The following PCDH11X variants were observed in gnomAD, a reference collection of about 807,000 sequenced individuals.
The protein encoded by PCDH11X is protocadherin 11 X-linked, also known as protocadherin-11 X-linked.
PCDH11X carries 18 observed loss-of-function variants against 53.3 expected under a neutral mutation model. The observed-to-expected ratio is 0.34, with a 90% CI of 0.23 to 0.50. The LOEUF is 0.50. Ranked by LOEUF, PCDH11X falls within the 20% of genes least tolerant of loss-of-function variation. The pLI, the probability that PCDH11X is intolerant of heterozygous loss-of-function variation, is 0.98. For missense variants in PCDH11X, 570 were observed against 1,032.4 expected (o/e 0.55, Z 6.14); for synonymous variants, 279 against 393.3 (o/e 0.71, Z 3.44).
At chrX:91,927,258 A>G (rs781711948) in intron 6 of PCDH11X, among the ~76,000 whole-genome samples, 1 of 109,806 alleles carries the variant, frequency 9.1e-6, no homozygotes, top group Admixed American at 9.9e-5. Context: ...TATGATCGCA[A>G]GTTTTCATCA....
intron 8 of PCDH11X, among the ~76,000 whole-genome samples, chrX:92,369,283 G>A (rs755699662): frequency 5.7e-4 from 62 of 109,732 alleles, no homozygotes; most frequent in African/African-American, 2.0e-3. Flanking sequence ...AATTTGCCCA[G>A]TCCACACCTC....
chrX:92,147,997 CTTT>C (rs2065325713), intron 6 of PCDH11X, among the ~76,000 whole-genome samples: 1 of 78,084 alleles, frequency 1.3e-5, no homozygotes, highest in African/African-American at 6.4e-5. Context: ...TTCTTTCTTT[CTTT>C]CTTTCTTTTT....
At chrX:92,580,539 G>A (rs1393640619) in intron 10 of PCDH11X, among the ~76,000 whole-genome samples, 3 of 110,082 alleles carry the variant, frequency 2.7e-5, no homozygotes, top group African/African-American at 6.7e-5. Flanking sequence ...GCCACTGTGC[G>A]GTGCTGTGGA....
chrX:92,211,742 C>T (rs935505173), intron 7 of PCDH11X, among the ~76,000 whole-genome samples: 1 of 111,724 alleles, frequency 9.0e-6, no homozygotes, highest in Non-Finnish European at 1.9e-5. Flanking sequence ...ATAATTCTTT[C>T]ATATTCCAAA....
Position 91,966,116 on chromosome X carries a change from T to TG in PCDH11X, c.3033+86843_3033+86844insG, listed in dbSNP as rs1301472960. On this transcript the variant is annotated intron_variant, in intron 6 of 10. Coordinates refer to ENST00000682573, the MANE Select transcript of PCDH11X (RefSeq NM_032968.5). ...GAATGAGGGATCTGGCATCTCATTATCTGGATGCCCTGATCTGGTGAGTTT... is the reference window on the plus strand; with the variant it reads ...GAATGAGGGATCTGGCATCTCATTATGCTGGATGCCCTGATCTGGTGAGTTT... 3.6e-5 allele frequency among the ~76,000 whole-genome samples: 4 copies of TG among 110,324 alleles called. No homozygotes were observed. In the East Asian group the frequency reaches 1.1e-3, roughly 31 times the overall value.
chrX:92,296,082 C>CAA (rs35158475), intron 8 of PCDH11X, among the ~76,000 whole-genome samples: 2,240 of 93,329 alleles, frequency 0.024, 56 homozygotes, highest in East Asian at 0.12. Flanking sequence ...AACTCTGTCT[C>CAA]AAAAAAAAAA....
intron 6 of PCDH11X, among the ~76,000 whole-genome samples, chrX:91,955,977 C>T (rs1468257975): frequency 3.6e-5 from 4 of 109,667 alleles, no homozygotes; most frequent in Non-Finnish European, 7.6e-5. Flanking sequence ...GGATAGTTAG[C>T]TTTTGAATTG....
intron 9 of PCDH11X, among the ~76,000 whole-genome samples, chrX:92,436,411 G>T (rs937650952): frequency 8.9e-5 from 10 of 111,974 alleles, no homozygotes; most frequent in Admixed American, 3.8e-4. Flanking sequence ...ATGGAAAGCA[G>T]TATGAAATTC....
intron 4 of PCDH11X, among the ~76,000 whole-genome samples, chrX:91,813,737 C>T (rs972791012): frequency 2.9e-5 from 3 of 105,127 alleles, no homozygotes; most frequent in African/African-American, 7.0e-5. Flanking sequence ...ACCATAAAAA[C>T]GTGGAAGTAG....
At chrX:92,281,443 G>A (rs891814629) in intron 8 of PCDH11X, among the ~76,000 whole-genome samples, 6 of 111,896 alleles carry the variant, frequency 5.4e-5, no homozygotes, top group Non-Finnish European at 9.4e-5. Context: ...AACATTCCCA[G>A]GCAACTGCCA....
At chrX:92,154,220 G>A (rs1223267099) in intron 6 of PCDH11X, among the ~76,000 whole-genome samples, 1 of 111,315 alleles carries the variant, frequency 9.0e-6, no homozygotes, top group Non-Finnish European at 1.9e-5. Flanking sequence ...TATTGATCAA[G>A]TTTATTATTT....
intron 8 of PCDH11X, among the ~76,000 whole-genome samples, chrX:92,299,116 G>C (rs894972960): frequency 9.0e-6 from 1 of 110,607 alleles, no homozygotes; most frequent in Non-Finnish European, 1.9e-5. Context: ...GCTTGTTTGT[G>C]GAGGCCTGCG....
intron 4 of PCDH11X, among the ~76,000 whole-genome samples, chrX:91,822,528 A>G (rs1358853473): frequency 1.8e-5 from 2 of 109,531 alleles, no homozygotes; most frequent in African/African-American, 3.3e-5. Flanking sequence ...TATCCCCTTT[A>G]TCATTTTTTA....
chrX:91,902,558 CTGT>C (rs1180014889), intron 6 of PCDH11X, among the ~76,000 whole-genome samples: 1 of 106,625 alleles, frequency 9.4e-6, no homozygotes, highest in African/African-American at 3.4e-5. Context: ...TATACTCTCT[CTGT>C]TGTTTTATAT....
chrX:92,591,651 T>C (rs1411241011), intron 10 of PCDH11X, among the ~76,000 whole-genome samples: 1 of 111,218 alleles, frequency 9.0e-6, no homozygotes, highest in Non-Finnish European at 1.9e-5. Flanking sequence ...TGTGGGGTAC[T>C]CTCTTTTGGG....
At position 92,292,212 on chromosome X, in the gene PCDH11X, T is replaced by A. The variant is rs778732322; in HGVS notation, c.3144+29069T>A. On this transcript the variant is annotated intron_variant, in intron 8 of 10. Transcript: ENST00000682573. ...ATCAATGTGCAAAGACTTCTCAAAG[T>A]CTGCTGCAGAAAAAAAAATTATTTT... Among the ~76,000 whole-genome samples, 3 of 111,780 alleles carry A rather than the reference T, an allele frequency of 2.7e-5. No homozygotes were observed. In the South Asian group the frequency reaches 1.1e-3, roughly 41 times the overall value.
chrX:91,834,426 G>A (rs1190326556), intron 4 of PCDH11X, among the ~76,000 whole-genome samples: 1 of 108,406 alleles, frequency 9.2e-6, no homozygotes, highest in Non-Finnish European at 1.9e-5. Context: ...CTTTCAACTC[G>A]GTACTGTTTT....
At chrX:92,546,251 C>T (rs1270011007) in intron 10 of PCDH11X, among the ~76,000 whole-genome samples, 2 of 110,700 alleles carry the variant, frequency 1.8e-5, no homozygotes, top group African/African-American at 6.5e-5. Context: ...AGTTGTGGAA[C>T]AAAGAATATA....
chrX:91,939,554 A>G (rs1233666855), intron 6 of PCDH11X, among the ~76,000 whole-genome samples: 1 of 109,516 alleles, frequency 9.1e-6, no homozygotes, highest in African/African-American at 3.3e-5. Context: ...AGCTCATAAT[A>G]ATCAAATTGC....
Sources: allele counts gnomAD v4.1 joint callset (sites outside exome capture counted in the v4.1 genomes callset), GRCh38; gene constraint gnomAD v4.1.1; transcripts MANE v1.5; gene names NCBI Gene and HGNC (gene_info 2026-07-23, HGNC 2026-07-21).